Variants in BPIFB2 observed in about 807,000 individuals in gnomAD.
The protein encoded by BPIFB2 is BPI fold containing family B member 2.
A neutral mutation model predicts 50.1 loss-of-function variants in BPIFB2; 39 were observed. The observed-to-expected ratio is 0.78, with a 90% CI of 0.60 to 1.02. BPIFB2 has a LOEUF of 1.02. BPIFB2 is among the 50% of genes least tolerant of loss of function. The pLI is 0.00. For synonymous variants in BPIFB2, 280 were observed against 256.3 expected, an observed-to-expected ratio of 1.09 and a Z score of -0.88; for missense variants, 574 against 585.8, an observed-to-expected ratio of 0.98 and a Z score of 0.21.
At chr20:33,015,123 G>C (rs1051935659) in intron 5 of BPIFB2, among the ~76,000 whole-genome samples, 1 of 152,224 alleles carries the variant, frequency 6.6e-6, no homozygotes, top group African/African-American at 2.4e-5. Context: ...ACTGGGCTTA[G>C]AGTGGCCACG....
chr20:33,016,797 C>A (rs768136547), intron 6 of BPIFB2, among the ~76,000 whole-genome samples: 9 of 152,234 alleles, frequency 5.9e-5, no homozygotes, highest in Admixed American at 3.3e-4. Context: ...GGCCTCTGTT[C>A]TTTCTTCCGT....
At chr20:33,019,228 T>G in intron 10 of BPIFB2, 113 bp downstream of exon 10, 1 of 1,356,122 alleles carries the variant, frequency 7.4e-7, no homozygotes, top group East Asian at 2.3e-5. Flanking sequence ...GTTCAGCATC[T>G]GTCCTTAAAC....
intron 15 of BPIFB2, among the ~76,000 whole-genome samples, chr20:33,023,048 A>T (rs1358466327): frequency 6.6e-6 from 1 of 152,148 alleles, no homozygotes; most frequent in African/African-American, 2.4e-5. Flanking sequence ...CTTGGAGAAG[A>T]TGCTCCATGG....
intron 11 of BPIFB2, among the ~76,000 whole-genome samples, chr20:33,020,086 C>T (rs542212526): frequency 3.9e-5 from 6 of 152,356 alleles, no homozygotes; most frequent in Non-Finnish European, 7.3e-5. Context: ...GAAAGGATGG[C>T]GCCTGGTTAC....
At chr20:33,023,118 C>T (rs1978737333) in intron 15 of BPIFB2, among the ~76,000 whole-genome samples, 1 of 152,180 alleles carries the variant, frequency 6.6e-6, no homozygotes, top group Admixed American at 6.5e-5. Context: ...CAACCAGTGC[C>T]TTCCATGGGG....
chr20:33,020,438 C>T (rs1352244739), intron 12 of BPIFB2, 43 bp downstream of exon 12: 3 of 1,609,516 alleles, frequency 1.9e-6, no homozygotes, highest in Non-Finnish European at 2.5e-6. Context: ...GTGTGTTCTT[C>T]TGTGCCATGG....
In BPIFB2 at chr20:33,023,493, A is replaced by C; in HGVS notation, c.*110A>C. 7.7e-7 allele frequency: 1 copy of C among 1,297,362 alleles called. No individual in the cohort carries two copies. Among genetic ancestry groups the C allele is most frequent in the Non-Finnish European group, 1.1e-6 (1 of 904,406 alleles). The allele number at this position is 1,297,362 out of a possible 1,614,324, so 80.4% of individuals were successfully genotyped here. ...AAAACCATACTTAGTCATCACCAAC[A>C]AGCTGGACTGCTTAGCTGGGCTGTT... On this transcript the variant is annotated 3_prime_UTR_variant, in exon 16 of 16. Coordinates refer to ENST00000170150, the MANE Select transcript of BPIFB2 (RefSeq NM_025227.3).
intron 13 of BPIFB2, 121 bp downstream of exon 13, chr20:33,020,708 G>A: frequency 8.7e-7 from 1 of 1,144,780 alleles, no homozygotes; most frequent in Non-Finnish European, 1.2e-6. Context: ...ACTATAGTCA[G>A]GCTTCCCCGG....
Position 33,019,119 on chromosome 20 carries a change from G to A in BPIFB2, c.909+4G>A, listed in dbSNP as rs371952014. On this transcript the variant is annotated splice_donor_region_variant and intron_variant, in intron 10 of 15. Transcript: ENST00000170150. Reference sequence around the variant, plus strand: ...TCTGGGCCGGCTCATCCCGGAGGTCGGTGATGTTTCTGATCATTCCAGGGA... The same window carrying A: ...TCTGGGCCGGCTCATCCCGGAGGTCAGTGATGTTTCTGATCATTCCAGGGA... 63 of 1,614,120 alleles carry A rather than the reference G, an allele frequency of 3.9e-5. No individual in the cohort carries two copies. In the East Asian group the frequency reaches 1.0e-3, roughly 26 times the overall value.
At position 33,009,252 on chromosome 20, in the gene BPIFB2, C is replaced by T. The variant is rs919292691; in HGVS notation, c.109+569C>T. ...ATCCGCTCTCTGGGTCCCACTTGTG[C>T]GAGGGCTCTGTCTTACGGCTGTGCT... On this transcript the variant is annotated intron_variant, in intron 2 of 15. Coordinates refer to ENST00000170150, the MANE Select transcript of BPIFB2 (RefSeq NM_025227.3). The surrounding 1 kb of genome is among the most constrained non-coding windows in gnomAD (Gnocchi z 4.2). 9.2e-5 allele frequency among the ~76,000 whole-genome samples: 14 copies of T among 152,282 alleles called. No individual in the cohort carries two copies. The highest frequency in any genetic ancestry group is 3.9e-4 in the East Asian group (2 of 5,176).
At chr20:33,012,507 C>G (rs1990301608) in intron 3 of BPIFB2, among the ~76,000 whole-genome samples, 1 of 152,138 alleles carries the variant, frequency 6.6e-6, no homozygotes, top group African/African-American at 2.4e-5. Flanking sequence ...CTTTTCCAAC[C>G]TTCCCAACTT....
At position 33,015,498 on chromosome 20, in the gene BPIFB2, TA is replaced by T; in HGVS notation, c.516+5del. On this transcript the variant is annotated splice_donor_region_variant and intron_variant, in intron 6 of 15. Coordinates refer to ENST00000170150, the MANE Select transcript of BPIFB2 (RefSeq NM_025227.3). ...ATTAAAGCTGTCTTGAGTAACAAGG[TA>T]AAGGGCTTGCAGATTTCTCAGAAAG... The T allele has an allele frequency of 6.2e-7, 1 of 1,606,766 alleles. No homozygotes were observed. The highest frequency in any genetic ancestry group is 8.5e-7 in the Non-Finnish European group (1 of 1,175,888).
Position 33,011,021 on chromosome 20 carries a change from C to T in BPIFB2, c.110-3C>T, listed in dbSNP as rs1310253092. On this transcript the variant is annotated splice_polypyrimidine_tract_variant and splice_region_variant and intron_variant, in intron 2 of 15. Transcript: ENST00000170150. ...CTGACCTCACTCTACCCTGGCCCCA[C>T]AGTGTCTGAAATTGGGAAAGCCCCT... The T allele has an allele frequency of 6.2e-7, 1 of 1,613,736 alleles. No individual in the cohort carries two copies.
In BPIFB2 at chr20:33,015,482, G is replaced by T. The variant is rs760064551; in HGVS notation, c.502G>T (p.Val168Phe). The T allele has an allele frequency of 2.5e-6, 4 of 1,613,248 alleles. No individual in the cohort carries two copies. Among genetic ancestry groups the T allele is most frequent in the South Asian group, 1.1e-5 (1 of 90,992 alleles). The change falls in exon 6 of 16, where the codon GTC (valine) becomes TTC (phenylalanine). Residue 168 changes from valine to phenylalanine, a missense_variant. By Grantham distance (50) the Val-to-Phe change is conservative. Transcript: ENST00000170150. ...CCTGGTGCAGAAGCACATTAAAGCT[G>T]TCTTGAGTAACAAGGTAAAGGGCTT... ...LVLVQKHIKA[V>F]LSNKLCLSIS...
intron 8 of BPIFB2, 95 bp from the exon 9 acceptor site, chr20:33,018,542 G>C: frequency 5.6e-6 from 8 of 1,415,980 alleles, no homozygotes; most frequent in Non-Finnish European, 7.7e-6. Context: ...CTGGGGGGCA[G>C]GGAGTGGCAT....
At position 33,019,122 on chromosome 20, in the gene BPIFB2, G is replaced by A; in HGVS notation, c.909+7G>A. The A allele has an allele frequency of 3.1e-6, 5 of 1,614,136 alleles. No individual in the cohort carries two copies. The highest frequency in any genetic ancestry group is 4.2e-6 in the Non-Finnish European group (5 of 1,180,008). On this transcript the variant is annotated splice_region_variant and intron_variant, in intron 10 of 15. Transcript: ENST00000170150. ...GGGCCGGCTCATCCCGGAGGTCGGT[G>A]ATGTTTCTGATCATTCCAGGGACTG...
At position 33,019,786 on chromosome 20, in the gene BPIFB2, T is replaced by A. The variant is rs202188935; in HGVS notation, c.1080+36T>A. The A allele has an allele frequency of 2.8e-5, 43 of 1,546,200 alleles. No individual in the cohort carries two copies. The African/African-American group carries it at 4.4e-4, about 16-fold the overall frequency. On this transcript the variant is annotated intron_variant, in intron 11 of 15. Transcript: ENST00000170150. Reference sequence around the variant, plus strand: ...TGGGGCTGGTCGGAAGGCAGGCAACTGTCACAGAGACCTCCCTCCCTGCTT... The same window carrying A: ...TGGGGCTGGTCGGAAGGCAGGCAACAGTCACAGAGACCTCCCTCCCTGCTT...
chr20:33,008,192 TG>T (rs1227469776), intron 1 of BPIFB2, among the ~76,000 whole-genome samples: 1 of 152,152 alleles, frequency 6.6e-6, no homozygotes, highest in Non-Finnish European at 1.5e-5. Context: ...GGCATCTTCT[TG>T]GGACAGGAAA....
intron 5 of BPIFB2, among the ~76,000 whole-genome samples, chr20:33,015,170 T>C (rs947039652): frequency 6.6e-6 from 1 of 152,158 alleles, no homozygotes. Flanking sequence ...AGTCTGGCTT[T>C]TGCAACGCCC....
Sources: allele counts gnomAD v4.1 joint callset (sites outside exome capture counted in the v4.1 genomes callset), GRCh38; gene constraint gnomAD v4.1.1; non-coding constraint Gnocchi (gnomAD v3.1); transcripts MANE v1.5; gene names NCBI Gene and HGNC (gene_info 2026-07-23, HGNC 2026-07-21).